ACSS2: variants seen among roughly 807,000 people sequenced by gnomAD.
ACSS2 encodes acetyl-coenzyme A synthetase, cytoplasmic.
ACSS2 carries 58 observed loss-of-function variants against 90.6 expected under a neutral mutation model. That is an observed-to-expected ratio of 0.64 (90% CI 0.52 to 0.80). The LOEUF (loss-of-function observed/expected upper bound fraction) is 0.80. Among genes scored for constraint, ACSS2 ranks in the 30% least tolerant of loss-of-function variants. ACSS2 has a pLI of 0.00. For missense variants in ACSS2, 759 were observed against 912.0 expected (o/e 0.83, Z 2.16); for synonymous variants, 300 against 330.9 (o/e 0.91, Z 1.01).
chr20:34,889,088 G>GC (rs1328171971), intron 2 of ACSS2, among the ~76,000 whole-genome samples: 1 of 145,116 alleles, frequency 6.9e-6, no homozygotes, highest in Non-Finnish European at 1.5e-5. Context: ...CACTGCACCC[G>GC]CCATCATGCC....
upstream of ACSS2, chr20:34,875,941 G>C (rs936602010): frequency 6.6e-6 from 1 of 152,660 alleles, no homozygotes; most frequent in South Asian, 2.1e-4. Context: ...GGTGAGCAGA[G>C]AGGAGGTGCT....
intron 2 of ACSS2, among the ~76,000 whole-genome samples, chr20:34,910,242 C>A (rs2080919862): frequency 6.6e-6 from 1 of 152,140 alleles, no homozygotes; most frequent in Non-Finnish European, 1.5e-5. Context: ...AGACTTCTTG[C>A]AAAGTAATTA....
intron 2 of ACSS2, among the ~76,000 whole-genome samples, chr20:34,893,303 G>T (rs1356943795): frequency 1.3e-5 from 2 of 152,086 alleles, no homozygotes; most frequent in Non-Finnish European, 2.9e-5. Flanking sequence ...CAAGGTCCAA[G>T]TGATCCTCCC....
Position 34,926,928 on chromosome 20 carries a change from C to A in ACSS2, c.1955C>A (p.Pro652His), listed in dbSNP as rs1424884217. Reference sequence around the variant, plus strand: ...ACACCAGACTACATCCAGAATGCACCTGGCTTGCCTAAAACCCGCTCAGGT... The same window carrying A: ...ACACCAGACTACATCCAGAATGCACATGGCTTGCCTAAAACCCGCTCAGGT... ...IATPDYIQNA[P>H]GLPKTRSGKI... Residue 652 changes from proline (P) to histidine (H), a missense_variant, in exon 17 of 18, where the codon CCT becomes CAT. By Grantham distance (77) the Pro-to-His change is moderately conservative. Coordinates refer to ENST00000360596, the MANE Select transcript of ACSS2 (RefSeq NM_018677.4). 6.2e-7 allele frequency: 1 copy of A among 1,614,144 alleles called. No homozygotes were observed. The highest frequency in any genetic ancestry group is 1.1e-5 in the South Asian group (1 of 91,076).
chr20:34,913,961 G>A (rs1208569824), intron 5 of ACSS2, 135 bp from the exon 6 acceptor site: 1 of 1,363,686 alleles, frequency 7.3e-7, no homozygotes, highest in African/African-American at 1.4e-5. Context: ...TCCCACCTCA[G>A]CTGACCCTCT....
intron 16 of ACSS2, among the ~76,000 whole-genome samples, chr20:34,926,591 T>C (rs937343277): frequency 1.9e-4 from 29 of 152,202 alleles, no homozygotes; most frequent in African/African-American, 6.5e-4. Context: ...CTAAAGATGA[T>C]GAAACTGAGA....
chr20:34,891,239 A>C (rs966666650), intron 2 of ACSS2, among the ~76,000 whole-genome samples: 1 of 152,238 alleles, frequency 6.6e-6, no homozygotes, highest in African/African-American at 2.4e-5. Context: ...ATTTTGAGAA[A>C]GATGACTTCA....
chr20:34,915,076 G>A, intron 7 of ACSS2: 1 of 842,934 alleles, frequency 1.2e-6, no homozygotes, highest in Non-Finnish European at 2.0e-6. Flanking sequence ...ATATATAGGG[G>A]CTGGAATCAG....
In ACSS2 at chr20:34,890,540, G is replaced by A. The variant is rs115108788; in HGVS notation, c.374+7551G>A. ...GGGGGATTAAGTAAAAGGTTTATAA[G>A]GAGAGGGTGGAAAGAGTGGTTGATG... On this transcript the variant is annotated intron_variant, in intron 2 of 17. Transcript: ENST00000360596. Among the ~76,000 whole-genome samples, 1,114 of 152,234 alleles carry A rather than the reference G, an allele frequency of 7.3e-3. 17 individuals carry two copies. The highest frequency in any genetic ancestry group is 0.026 in the African/African-American group (1,076 of 41,504).
At chr20:34,902,617 A>T (rs1456475560) in intron 2 of ACSS2, among the ~76,000 whole-genome samples, 1 of 152,180 alleles carries the variant, frequency 6.6e-6, no homozygotes, top group Non-Finnish European at 1.5e-5. Flanking sequence ...AAGGCATAGC[A>T]GGAGTGCGGA....
In ACSS2 at chr20:34,913,017, G is replaced by C. The variant is rs2080996950; in HGVS notation, c.375-79G>C. 15 of 1,112,730 alleles carry C rather than the reference G, an allele frequency of 1.3e-5. No homozygotes were observed. In the South Asian group the frequency reaches 1.9e-4, roughly 14 times the overall value. The allele number at this position is 1,112,730 out of a possible 1,614,324, so 68.9% of individuals were successfully genotyped here. On this transcript the variant is annotated intron_variant, in intron 2 of 17. Coordinates refer to ENST00000360596, the MANE Select transcript of ACSS2 (RefSeq NM_018677.4). Reference sequence around the variant, plus strand: ...GTTCCAGGCCTTAGTGTCACTGAATGGATTTTATGACTCTGCCTGTTTCTT... The same window carrying C: ...GTTCCAGGCCTTAGTGTCACTGAATCGATTTTATGACTCTGCCTGTTTCTT...
chr20:34,912,977 C>T (rs1054939938), intron 2 of ACSS2, 119 bp from the exon 3 acceptor site: 2 of 793,302 alleles, frequency 2.5e-6, no homozygotes, highest in Non-Finnish European at 4.5e-6. Flanking sequence ...GCAGATAGCT[C>T]ATCCTCATAG....
chr20:34,906,398 A>G (rs1601336890), intron 2 of ACSS2, among the ~76,000 whole-genome samples: 3 of 151,760 alleles, frequency 2.0e-5, no homozygotes, highest in South Asian at 4.2e-4. Flanking sequence ...GTAGGCCAAT[A>G]CCCTGCCCCT....
At chr20:34,909,782 T>C (rs1182250616) in intron 2 of ACSS2, among the ~76,000 whole-genome samples, 1 of 151,748 alleles carries the variant, frequency 6.6e-6, no homozygotes, top group African/African-American at 2.4e-5. Context: ...AGTGGTGTGA[T>C]CGCCGCTCGC....
At chr20:34,899,423 T>TTTCCTTCCTTCC (rs71196768) in intron 2 of ACSS2, among the ~76,000 whole-genome samples, 5,256 of 112,936 alleles carry the variant, frequency 0.047, 232 homozygotes, top group East Asian at 0.087. Context: ...TCTTTCTTTC[T>TTTCCTTCCTTCC]TTCCTTCCTT....
rs888469748 is a variant in ACSS2, at chr20:34,908,792, C to T, written c.375-4304C>T. 69 of 355,594 alleles carry T rather than the reference C, an allele frequency of 1.9e-4. 1 individual carries two copies. Among genetic ancestry groups the T allele is most frequent in the Admixed American group, 1.4e-3 (35 of 24,304 alleles). The allele number at this position is 355,594 out of a possible 1,614,324, so 22.0% of individuals were successfully genotyped here. Reference sequence around the variant, plus strand: ...AGAAGAATTGCCTGAACCCAGGAGGCGGAGGTTGCAGTGAGCCAAGATCGC... The same window carrying T: ...AGAAGAATTGCCTGAACCCAGGAGGTGGAGGTTGCAGTGAGCCAAGATCGC... On this transcript the variant is annotated intron_variant, in intron 2 of 17. Coordinates refer to ENST00000360596, the MANE Select transcript of ACSS2 (RefSeq NM_018677.4).
intron 1 of ACSS2, among the ~76,000 whole-genome samples, chr20:34,878,028 G>C (rs1042543801): frequency 6.6e-6 from 1 of 152,034 alleles, no homozygotes; most frequent in South Asian, 2.1e-4. Flanking sequence ...GCATCTCCTG[G>C]GCTCATGCGA....
chr20:34,918,695 A>T (rs2081128042), intron 7 of ACSS2, among the ~76,000 whole-genome samples: 1 of 152,194 alleles, frequency 6.6e-6, no homozygotes. Flanking sequence ...ATGTAGGCAA[A>T]AGTGCTTGGA....
In ACSS2 at chr20:34,923,434, G is replaced by A. The variant is rs376448536; in HGVS notation, c.1657+3G>A. The A allele has an allele frequency of 1.9e-6, 3 of 1,608,946 alleles. No homozygotes were observed. The highest frequency in any genetic ancestry group is 1.7e-6 in the Non-Finnish European group (2 of 1,175,396). ...TGGATACTATGTTACAGGAGATGGT[G>A]AGCCTTAGCTATCCCCCTCTTGCAC... On this transcript the variant is annotated splice_donor_region_variant and intron_variant, in intron 14 of 17. Coordinates refer to ENST00000360596, the MANE Select transcript of ACSS2 (RefSeq NM_018677.4).
Sources: allele counts gnomAD v4.1 joint callset (sites outside exome capture counted in the v4.1 genomes callset), GRCh38; gene constraint gnomAD v4.1.1; transcripts MANE v1.5; gene names NCBI Gene and HGNC (gene_info 2026-07-23, HGNC 2026-07-21).